Variants in ANKRD13C observed in about 807,000 individuals in gnomAD.
The protein encoded by ANKRD13C is ankyrin repeat domain-containing protein 13C.
ANKRD13C carries 16 observed loss-of-function variants against 65.5 expected under a neutral mutation model. The ratio of observed to expected loss-of-function variants is 0.24; its 90% CI spans 0.17 to 0.37. ANKRD13C has a LOEUF of 0.37. ANKRD13C is among the 10% of genes least tolerant of loss of function. The pLI is 1.00. For synonymous variants in ANKRD13C, 235 were observed against 238.7 expected (o/e 0.98, Z 0.14); for missense variants, 503 against 655.9 (o/e 0.77, Z 2.55).
At chr1:70,350,389 A>C (rs1489582737) in intron 1 of ANKRD13C, among the ~76,000 whole-genome samples, 1 of 152,224 alleles carries the variant, frequency 6.6e-6, no homozygotes, top group Non-Finnish European at 1.5e-5. Flanking sequence ...GGACTATTCT[A>C]AATACTTCAC....
intron 2 of ANKRD13C, among the ~76,000 whole-genome samples, chr1:70,334,703 T>C (rs1203080797): frequency 6.6e-6 from 1 of 151,956 alleles, no homozygotes; most frequent in African/African-American, 2.4e-5. Context: ...GGCGGGTGGA[T>C]CACCTGAGGT....
chr1:70,306,282 G>A lies in ANKRD13C; in HGVS notation c.718C>T (p.Leu240Phe). Residue 240 changes from leucine to phenylalanine, a missense_variant, in exon 6 of 13, where the codon CTT (leucine) becomes TTT (phenylalanine). By Grantham distance (22) the Leu-to-Phe change is conservative. Transcript: ENST00000370944. ...GCATCGGAAGGCAGAATTCGGGAAAGTAAAGGCACTGTATTTTTAAAAACA... is the reference window on the plus strand; with the variant it reads ...GCATCGGAAGGCAGAATTCGGGAAAATAAAGGCACTGTATTTTTAAAAACA... The part of the protein sequence containing the change: ...HWDFQSWVPL[L>F]SRILPSDACK... 6.4e-7 allele frequency: 1 copy of A among 1,560,338 alleles called. No homozygotes were observed. The highest frequency in any genetic ancestry group is 2.3e-5 in the East Asian group (1 of 43,464).
chr1:70,276,711 T>C lies in ANKRD13C; in HGVS notation c.1295+54A>G, dbSNP rs1163744707. On this transcript the variant is annotated intron_variant, in intron 10 of 12. Coordinates refer to ENST00000370944, the MANE Select transcript of ANKRD13C (RefSeq NM_030816.5). Reference sequence around the variant, plus strand: ...CCAAAATATTCACATATTCAGTTTTTACAAATTATTCTTTCTAAAAACCAA... The same window carrying C: ...CCAAAATATTCACATATTCAGTTTTCACAAATTATTCTTTCTAAAAACCAA... 28 of 1,379,430 alleles carry C rather than the reference T, an allele frequency of 2.0e-5. No homozygotes were observed. The Admixed American group carries it at 6.1e-4, about 30-fold the overall frequency. 85.4% of individuals were successfully genotyped at this position (1,379,430 alleles called of 1,614,324 possible).
intron 1 of ANKRD13C, among the ~76,000 whole-genome samples, chr1:70,349,596 GCA>G (rs1003848111): frequency 3.3e-5 from 5 of 151,718 alleles, no homozygotes; most frequent in Admixed American, 1.3e-4. Flanking sequence ...ACTTGCAAAT[GCA>G]CACACACACC....
At chr1:70,345,734 G>A (rs559587995) in intron 1 of ANKRD13C, among the ~76,000 whole-genome samples, 2 of 152,302 alleles carry the variant, frequency 1.3e-5, no homozygotes, top group African/African-American at 4.8e-5. Context: ...GTAGAGATAA[G>A]TTCTTCAAAT....
intron 9 of ANKRD13C, among the ~76,000 whole-genome samples, chr1:70,280,362 G>A (rs1679334251): frequency 6.6e-6 from 1 of 152,190 alleles, no homozygotes; most frequent in Non-Finnish European, 1.5e-5. Context: ...AGGAACTGGG[G>A]AAAGCAGAAT....
chr1:70,285,618 T>TG (rs1318863125), intron 9 of ANKRD13C, among the ~76,000 whole-genome samples: 1 of 151,440 alleles, frequency 6.6e-6, no homozygotes. Context: ...CATTAAATAA[T>TG]AGAGTTAAAC....
chr1:70,337,522 A>C (rs928176799), intron 1 of ANKRD13C, among the ~76,000 whole-genome samples: 2 of 152,046 alleles, frequency 1.3e-5, no homozygotes, highest in Non-Finnish European at 2.9e-5. Context: ...CAGAGGTTGC[A>C]GTGAGCCAAG....
intron 1 of ANKRD13C, among the ~76,000 whole-genome samples, chr1:70,345,658 G>C (rs1230173953): frequency 1.3e-5 from 2 of 152,064 alleles, no homozygotes; most frequent in Admixed American, 1.3e-4. Flanking sequence ...ACCGTATTTG[G>C]CAATATCACC....
At chr1:70,278,277 G>T (rs938767473) in intron 9 of ANKRD13C, among the ~76,000 whole-genome samples, 5 of 151,838 alleles carry the variant, frequency 3.3e-5, no homozygotes, top group Non-Finnish European at 7.4e-5. Flanking sequence ...TGGATCACTT[G>T]AGGTGAGGGG....
Position 70,296,529 on chromosome 1 carries a change from A to G in ANKRD13C, c.922-268T>C, listed in dbSNP as rs1680088526. Reference sequence around the variant, plus strand: ...ACGGTACTATTATCCTGTTATAGATATGTAATGGAAGCAGTACTAGATTAC... The same window carrying G: ...ACGGTACTATTATCCTGTTATAGATGTGTAATGGAAGCAGTACTAGATTAC... On this transcript the variant is annotated intron_variant, in intron 7 of 12. Transcript: ENST00000370944. Among the ~76,000 whole-genome samples the G allele has an allele frequency of 2.6e-5, 4 of 152,224 alleles. No homozygotes were observed. In the South Asian group the frequency reaches 8.3e-4, roughly 32 times the overall value.
rs553596974 is a variant in ANKRD13C at position 70,354,231 on chromosome 1, G to C, written c.178C>G (p.Arg60Gly). The C allele has an allele frequency of 6.8e-6, 11 of 1,613,460 alleles. No individual in the cohort carries two copies. Among genetic ancestry groups the C allele is most frequent in the Non-Finnish European group, 8.5e-6 (10 of 1,180,036 alleles). Residue 60 changes from arginine (R) to glycine (G), a missense_variant, in exon 1 of 13, where the codon CGG becomes GGG. Physicochemically the swap from Arg to Gly is moderately radical, Grantham distance 125. Around this residue, in one of 2 missense-constraint regions of ANKRD13C, gnomAD observed 203 missense variants for 177.6 expected, o/e 1.14. Coordinates refer to ENST00000370944, the MANE Select transcript of ANKRD13C (RefSeq NM_030816.5). ...CHKIFSNHHH[R>G]LQLKAAPASS... ...GCCGGAGCTGCCTTCAGCTGTAGCC[G>C]GTGGTGATGGTTACTGAAGATCTTA...
At chr1:70,353,942 G>A in intron 1 of ANKRD13C, 37 bp downstream of exon 1, 2 of 1,482,774 alleles carry the variant, frequency 1.3e-6, no homozygotes, top group South Asian at 1.4e-5. Context: ...CTAGGCTCGG[G>A]GAAGGAGAGA....
chr1:70,314,857 T>C (rs954862844), intron 4 of ANKRD13C, among the ~76,000 whole-genome samples: 6 of 151,878 alleles, frequency 4.0e-5, no homozygotes, highest in Admixed American at 3.9e-4. Flanking sequence ...AGAGTAACAA[T>C]AGAAAACAAA....
At chr1:70,284,439 C>T (rs1558270758) in intron 9 of ANKRD13C, among the ~76,000 whole-genome samples, 1 of 152,050 alleles carries the variant, frequency 6.6e-6, no homozygotes, top group Non-Finnish European at 1.5e-5. Context: ...CTAGTTTTTA[C>T]TACATTTACC....
At chr1:70,333,853 C>T (rs146081573) in intron 2 of ANKRD13C, among the ~76,000 whole-genome samples, 1 of 152,238 alleles carries the variant, frequency 6.6e-6, no homozygotes, top group Non-Finnish European at 1.5e-5. Flanking sequence ...TCTTGGTTCC[C>T]ACTCTTCCTG....
At position 70,300,746 on chromosome 1, in the gene ANKRD13C, A is replaced by G. The variant is rs1328262161; in HGVS notation, c.921+18T>C. The G allele has an allele frequency of 7.6e-6, 12 of 1,569,228 alleles. No homozygotes were observed. Among genetic ancestry groups the G allele is most frequent in the Non-Finnish European group, 1.0e-5 (12 of 1,161,298 alleles). ...TTTTTAATGATTTAAAGGAATATTG[A>G]TAAGACAACATGCTCACCTCATGAT... On this transcript the variant is annotated intron_variant, in intron 7 of 12. Transcript: ENST00000370944.
intron 12 of ANKRD13C, among the ~76,000 whole-genome samples, chr1:70,268,561 T>C (rs1008040808): frequency 1.3e-5 from 2 of 152,170 alleles, no homozygotes; most frequent in South Asian, 4.2e-4. Flanking sequence ...TCCAGTGAGA[T>C]AGGAAGATGA....
intron 8 of ANKRD13C, among the ~76,000 whole-genome samples, chr1:70,292,803 G>C (rs2101264022): frequency 6.6e-6 from 1 of 151,986 alleles, no homozygotes; most frequent in East Asian, 1.9e-4. Flanking sequence ...ATGTATGGTA[G>C]TTAATTTGCA....
Sources: gnomAD v4.1 joint callset for allele counts (sites outside exome capture counted in the v4.1 genomes callset) on GRCh38, gnomAD v4.1.1 for gene constraint, gnomAD v4.1.1 regional missense constraint, MANE v1.5 for transcripts, NCBI Gene and HGNC (gene_info 2026-07-23, HGNC 2026-07-21) for gene names.